Variants in INTS10 observed in about 807,000 individuals in gnomAD.
The protein encoded by INTS10 is integrator complex subunit 10, also known as chromosome 8 open reading frame 35.
Under a neutral mutation model 94.4 loss-of-function variants are expected in INTS10, and 44 were observed. That is an observed-to-expected ratio of 0.47 (90% confidence interval 0.37 to 0.60). The LOEUF (loss-of-function observed/expected upper bound fraction) is 0.60, where lower values mean the gene tolerates loss of function less well. Among genes scored for constraint, INTS10 ranks in the 20% least tolerant of loss-of-function variants. The pLI is 0.00. For missense variants in INTS10, 797 were observed against 868.7 expected (o/e 0.92, Z 1.04); for synonymous variants, 341 against 320.7 (o/e 1.06, Z -0.68).
Position 19,844,192 on chromosome 8 carries a change from C to T in INTS10, c.1836C>T (p.Cys612=), listed in dbSNP as rs2068376589. Residue 612 remains cysteine (C), a synonymous_variant, in exon 15 of 17, where the codon TGC becomes TGT. Coordinates refer to ENST00000397977, the MANE Select transcript of INTS10 (RefSeq NM_018142.4). The part of the protein sequence containing the change: ...NLFLKAVNKI[C]QQGNFQYENF... ...TCCTGAAAGCTGTCAATAAAATTTG[C>T]CAACAAGGAAATTTCCAATATGAGA... is the stretch of plus-strand genomic sequence containing the variant. 1 of 1,613,392 alleles carries T rather than the reference C, an allele frequency of 6.2e-7. No homozygotes were observed. Among genetic ancestry groups the T allele is most frequent in the Non-Finnish European group, 8.5e-7 (1 of 1,179,482 alleles).
At chr8:19,847,732 C>G (rs1365662037) in intron 16 of INTS10, among the ~76,000 whole-genome samples, 1 of 152,182 alleles carries the variant, frequency 6.6e-6, no homozygotes, top group Non-Finnish European at 1.5e-5. Context: ...TTTTACTGAG[C>G]TGAAGAGTGA....
intron 9 of INTS10, among the ~76,000 whole-genome samples, chr8:19,828,715 G>A (rs1412516455): frequency 6.7e-6 from 1 of 149,376 alleles, no homozygotes; most frequent in Non-Finnish European, 1.5e-5. Context: ...TGGCAGATAC[G>A]GTTGTGGTTT....
chr8:19,824,312 T>G, intron 7 of INTS10: 1 of 252,336 alleles, frequency 4.0e-6, no homozygotes, highest in Non-Finnish European at 7.5e-6. Context: ...GCCAACATGG[T>G]GAAACCCCAT....
At chr8:19,833,036 C>T in intron 11 of INTS10, 133 bp from the exon 12 acceptor site, 1 of 630,262 alleles carries the variant, frequency 1.6e-6, no homozygotes, top group Non-Finnish European at 2.5e-6. Flanking sequence ...GTTTCTTCCT[C>T]AGATGATCAA....
intron 1 of INTS10, among the ~76,000 whole-genome samples, chr8:19,818,024 G>A (rs959770734): frequency 5.9e-5 from 9 of 152,172 alleles, no homozygotes; most frequent in African/African-American, 2.2e-4. Context: ...CATAATGGCA[G>A]CAGTTTGTTC....
In INTS10 at chr8:19,818,447, A is replaced by G. The variant is rs2066114897; in HGVS notation, c.197+105A>G. 1.6e-5 allele frequency: 18 copies of G among 1,136,744 alleles called. No homozygotes were observed. In the South Asian group the frequency reaches 1.8e-4, roughly 11 times the overall value. The allele number at this position is 1,136,744 out of a possible 1,614,324, so 70.4% of individuals were successfully genotyped here. On this transcript the variant is annotated intron_variant, in intron 2 of 16. Transcript: ENST00000397977. ...TGGGGGAAGATCTTCAAGTTCATCT[A>G]TATCTTCGATACCTAAAGCAAACCT...
intron 8 of INTS10, 123 bp downstream of exon 8, chr8:19,825,095 T>G (rs1157799649): frequency 7.8e-6 from 6 of 773,750 alleles, no homozygotes; most frequent in Admixed American, 2.8e-5. Flanking sequence ...CCAGTCCTTT[T>G]TATAGTTGGC....
intron 12 of INTS10, 27 bp from the exon 13 acceptor site, chr8:19,837,025 G>T: frequency 7.0e-7 from 1 of 1,431,674 alleles, no homozygotes; most frequent in Middle Eastern, 1.7e-4. Flanking sequence ...CTTCAAGTTA[G>T]TTCCTTTTTG....
chr8:19,849,140 T>G lies in INTS10; in HGVS notation c.1977-2509T>G. 1 of 1,245,776 alleles carries G rather than the reference T, an allele frequency of 8.0e-7. No individual in the cohort carries two copies. The highest frequency in any genetic ancestry group is 1.2e-5 in the South Asian group (1 of 80,208). The allele number at this position is 1,245,776 out of a possible 1,614,324, so 77.2% of individuals were successfully genotyped here. A position where few individuals can be genotyped will look rare whatever the true frequency, so the allele number is the denominator to read the frequency against. ...TGAGTCGGTGTGGGTGTTTGAATGCTGCTGTTTGCTGTTTTTTAAAGGCCT... is the reference window on the plus strand; with the variant it reads ...TGAGTCGGTGTGGGTGTTTGAATGCGGCTGTTTGCTGTTTTTTAAAGGCCT... On this transcript the variant is annotated intron_variant, in intron 16 of 16. Transcript: ENST00000397977. The surrounding 1 kb of genome is among the most constrained non-coding windows in gnomAD (Gnocchi z 4.6).
In INTS10 at chr8:19,823,394, A is replaced by G. The variant is rs1463234655; in HGVS notation, c.617A>G (p.Tyr206Cys). The G allele has an allele frequency of 8.1e-6, 13 of 1,606,296 alleles. No homozygotes were observed. In the Admixed American group the frequency reaches 1.3e-4, roughly 16 times the overall value. Residue 206 changes from tyrosine (Y) to cysteine (C), a missense_variant, in exon 6 of 17, where the codon TAT (tyrosine) becomes TGT (cysteine). This residue lies in a region of INTS10 where 734 missense variants were observed against 787.8 expected (regional missense o/e 0.93). Coordinates refer to ENST00000397977, the MANE Select transcript of INTS10 (RefSeq NM_018142.4). ...YKYLNKAAEFYINYVTRSTQI... is the reference protein window; with the variant it reads ...YKYLNKAAEFCINYVTRSTQI... ...TACTTGAACAAAGCAGCTGAATTTTATATCAATTATGTCACTAGGTCTACT... is the reference window on the plus strand; with the variant it reads ...TACTTGAACAAAGCAGCTGAATTTTGTATCAATTATGTCACTAGGTCTACT...
chr8:19,845,590 C>T, intron 15 of INTS10, 114 bp from the exon 16 acceptor site: 1 of 721,550 alleles, frequency 1.4e-6, no homozygotes, highest in Middle Eastern at 2.4e-4. Context: ...AGAACTGGCA[C>T]CTTTTTTAGT....
chr8:19,833,551 C>T (rs913734277), intron 12 of INTS10, among the ~76,000 whole-genome samples: 1 of 152,110 alleles, frequency 6.6e-6, no homozygotes, highest in Non-Finnish European at 1.5e-5. Flanking sequence ...ATTTCTTGTT[C>T]ATTGTTCCAT....
chr8:19,829,352 C>T (rs10103937), intron 9 of INTS10, among the ~76,000 whole-genome samples: 127,359 of 151,666 alleles, frequency 0.84, 54,026 homozygotes, highest in Non-Finnish European at 0.9. Flanking sequence ...AGTGGAGCTG[C>T]TTTTACCTTT....
At chr8:19,828,724 T>A (rs76484378) in intron 9 of INTS10, among the ~76,000 whole-genome samples, 1 of 148,146 alleles carries the variant, frequency 6.8e-6, no homozygotes, top group African/African-American at 2.5e-5. Context: ...CGGTTGTGGT[T>A]TTTTTTTTTT....
chr8:19,826,072 T>C (rs2066764607), intron 8 of INTS10, among the ~76,000 whole-genome samples: 1 of 152,120 alleles, frequency 6.6e-6, no homozygotes, highest in African/African-American at 2.4e-5. Flanking sequence ...CTAGCTGCAT[T>C]TTTAAATTTT....
rs1268076653 is a variant in INTS10 at position 19,849,739 on chromosome 8, T to C, written c.1977-1910T>C. ...TTTTTTCAGACCTTACCTTTCTGAA[T>C]TGAAAATATTTGATAGGCTAAAATG... On this transcript the variant is annotated intron_variant, in intron 16 of 16. Transcript: ENST00000397977. This position sits in a 1 kb window ranked among gnomAD's most constrained non-coding sequence, Gnocchi z 4.6. 6.6e-6 allele frequency among the ~76,000 whole-genome samples: 1 copy of C among 152,188 alleles called. No homozygotes were observed. The highest frequency in any genetic ancestry group is 1.5e-5 in the Non-Finnish European group (1 of 68,022).
chr8:19,851,465 TA>T lies in INTS10; in HGVS notation c.1977-182del, dbSNP rs2069026815. Among the ~76,000 whole-genome samples, 1 of 152,264 alleles carries T rather than the reference TA, an allele frequency of 6.6e-6. No homozygotes were observed. The highest frequency in any genetic ancestry group is 2.4e-5 in the African/African-American group (1 of 41,464). On this transcript the variant is annotated intron_variant, in intron 16 of 16. Transcript: ENST00000397977. The surrounding 1 kb of genome is among the most constrained non-coding windows in gnomAD (Gnocchi z 5.0). ...AGTGAGAAAGATGTCTGTCTAGTTT[TA>T]AGTCTTTCTGAAGAGAAATGGGCTG...
At chr8:19,832,002 A>G (rs2067265142) in intron 10 of INTS10, 26 bp from the exon 11 acceptor site, 2 of 1,366,900 alleles carry the variant, frequency 1.5e-6, no homozygotes, top group Non-Finnish European at 2.1e-6. Flanking sequence ...TATATTTGGT[A>G]AATTTGTTCT....
At chr8:19,822,882 G>A (rs1056413306) in intron 5 of INTS10, among the ~76,000 whole-genome samples, 6 of 151,840 alleles carry the variant, frequency 4.0e-5, no homozygotes, top group East Asian at 1.9e-4. Flanking sequence ...ACTGGGAGGC[G>A]GAGGTTGCAG....
Sources: gnomAD v4.1 joint callset for allele counts (sites outside exome capture counted in the v4.1 genomes callset) on GRCh38, gnomAD v4.1.1 for gene constraint, gnomAD v4.1.1 regional missense constraint, Gnocchi (gnomAD v3.1) non-coding constraint, MANE v1.5 for transcripts, NCBI Gene and HGNC (gene_info 2026-07-23, HGNC 2026-07-21) for gene names.